NCOA2: variants seen among roughly 807,000 people sequenced by gnomAD.
NCOA2 encodes class E basic helix-loop-helix protein 75.
Under a neutral mutation model 145.1 loss-of-function variants are expected in NCOA2, and 21 were observed. The ratio of observed to expected loss-of-function variants is 0.14; its 90% CI spans 0.10 to 0.21. NCOA2 has a LOEUF of 0.21. NCOA2 is among the 10% of genes least tolerant of loss of function. The pLI is 1.00. For missense variants in NCOA2, 1,472 were observed against 1,837.6 expected (o/e 0.80, Z 3.64); for synonymous variants, 619 against 637.5 (o/e 0.97, Z 0.44).
At chr8:70,237,072 A>T (rs75767873) in intron 2 of NCOA2, among the ~76,000 whole-genome samples, 1 of 152,236 alleles carries the variant, frequency 6.6e-6, no homozygotes, top group East Asian at 1.9e-4. Flanking sequence ...CTTAATATTC[A>T]TGGAATAAAT....
At chr8:70,403,498 G>C (rs1217445671) in intron 1 of NCOA2, among the ~76,000 whole-genome samples, 3 of 142,118 alleles carry the variant, frequency 2.1e-5, no homozygotes, top group East Asian at 2.5e-4. Context: ...CCCCAGCGTC[G>C]CTGCGCCTCC....
chr8:70,427,505 C>T, the NCOA2 span, among the ~76,000 whole-genome samples: 5 of 84,160 alleles, frequency 5.9e-5, no homozygotes, highest in African/African-American at 1.1e-4. Flanking sequence ...TATTGGTCAG[C>T]GAAATAGTGT....
chr8:70,110,829 ATGAACACT>A lies in NCOA2; in HGVS notation c.*2795_*2802del, dbSNP rs1174878962. 8.9e-6 allele frequency: 2 copies of A among 224,282 alleles called. No individual in the cohort carries two copies. Among genetic ancestry groups the A allele is most frequent in the African/African-American group, 4.5e-5 (2 of 44,856 alleles). 13.9% of individuals were successfully genotyped at this position (224,282 alleles called of 1,614,324 possible). The stretch of plus-strand genomic sequence containing the variant: ...TCACTTTTTAAACTTACCACATTAC[ATGAACACT>A]TAAAATGAGTTTTACAACCAAGTTA... On this transcript the variant is annotated 3_prime_UTR_variant, in exon 23 of 23. Coordinates refer to ENST00000452400, the MANE Select transcript of NCOA2 (RefSeq NM_006540.4).
intron 2 of NCOA2, among the ~76,000 whole-genome samples, chr8:70,250,622 T>C (rs1197596652): frequency 2.0e-5 from 3 of 152,134 alleles, no homozygotes; most frequent in Non-Finnish European, 2.9e-5. Context: ...GAAGGGTACA[T>C]GGAAGTTTAC....
chr8:70,237,778 A>G (rs1012865324), intron 2 of NCOA2, among the ~76,000 whole-genome samples: 4 of 152,016 alleles, frequency 2.6e-5, no homozygotes, highest in African/African-American at 9.7e-5. Context: ...TTCCAAAACA[A>G]CAAAAGAAGA....
intron 1 of NCOA2, among the ~76,000 whole-genome samples, chr8:70,373,362 A>C (rs1811383579): frequency 6.6e-6 from 1 of 152,086 alleles, no homozygotes. Flanking sequence ...CTGTACTTTC[A>C]ATTTTTTGTG....
At chr8:70,425,448 A>G in the NCOA2 span, among the ~76,000 whole-genome samples, 1 of 151,976 alleles carries the variant, frequency 6.6e-6, no homozygotes, top group South Asian at 2.1e-4. Context: ...TAGAATTTGA[A>G]GCTTAAACTA....
chr8:70,307,123 C>T lies in NCOA2; in HGVS notation c.-76-10323G>A, dbSNP rs887599751. Reference sequence around the variant, plus strand: ...AAGAAGATACTTTCTAAAAGCCAGCCTTACACAGCAGTCACAAGCACCAAC... The same window carrying T: ...AAGAAGATACTTTCTAAAAGCCAGCTTTACACAGCAGTCACAAGCACCAAC... On this transcript the variant is annotated intron_variant, in intron 1 of 22. Transcript: ENST00000452400. Among the ~76,000 whole-genome samples the T allele has an allele frequency of 2.7e-5, 4 of 149,910 alleles. No individual in the cohort carries two copies. In the East Asian group the frequency reaches 6.0e-4, roughly 22 times the overall value.
At chr8:70,392,290 A>G (rs2131632510) in intron 1 of NCOA2, among the ~76,000 whole-genome samples, 1 of 152,336 alleles carries the variant, frequency 6.6e-6, no homozygotes, top group African/African-American at 2.4e-5. Flanking sequence ...ACACTGCACA[A>G]AGCGCCGCCC....
At chr8:70,205,403 C>T (rs575803778) in intron 4 of NCOA2, among the ~76,000 whole-genome samples, 11 of 152,092 alleles carry the variant, frequency 7.2e-5, no homozygotes, top group African/African-American at 2.4e-4. Context: ...TTTGGGTATA[C>T]GTACTGATGA....
the NCOA2 span, among the ~76,000 whole-genome samples, chr8:70,421,811 T>G: frequency 6.6e-6 from 1 of 150,848 alleles, no homozygotes. Flanking sequence ...AGTAAAAATA[T>G]ATGCCAGGCG....
chr8:70,206,684 T>C (rs1818477314), intron 4 of NCOA2, among the ~76,000 whole-genome samples: 1 of 152,166 alleles, frequency 6.6e-6, no homozygotes, highest in Non-Finnish European at 1.5e-5. Context: ...CTTACTGTAC[T>C]GGGCTTACTA....
intron 11 of NCOA2, among the ~76,000 whole-genome samples, chr8:70,148,869 T>A (rs1456880114): frequency 6.6e-6 from 1 of 152,212 alleles, no homozygotes; most frequent in African/African-American, 2.4e-5. Context: ...GTCTAGGTTT[T>A]ATCATCAAAA....
intron 2 of NCOA2, among the ~76,000 whole-genome samples, chr8:70,250,324 C>G (rs989591344): frequency 2.1e-5 from 3 of 141,630 alleles, no homozygotes; most frequent in Admixed American, 1.5e-4. Flanking sequence ...CCTGGAAGGC[C>G]AAGGTCTGCA....
chr8:70,347,871 A>C lies in NCOA2; in HGVS notation c.-76-51071T>G, dbSNP rs573483665. Among the ~76,000 whole-genome samples the C allele has an allele frequency of 3.0e-4, 45 of 152,334 alleles. 1 individual carries two copies. The highest frequency in any genetic ancestry group is 1.1e-3 in the African/African-American group (44 of 41,588). The stretch of plus-strand genomic sequence containing the variant: ...TGCAGCTACATCTCTAAAATAGATA[A>C]ATTTACTGGACTTCTGTATTGTTAA... On this transcript the variant is annotated intron_variant, in intron 1 of 22. Coordinates refer to ENST00000452400, the MANE Select transcript of NCOA2 (RefSeq NM_006540.4).
intron 1 of NCOA2, among the ~76,000 whole-genome samples, chr8:70,298,306 G>C (rs973833890): frequency 1.3e-5 from 2 of 152,130 alleles, no homozygotes; most frequent in African/African-American, 4.8e-5. Flanking sequence ...GAGAGAAACA[G>C]AAAAAGATGG....
intron 1 of NCOA2, among the ~76,000 whole-genome samples, chr8:70,384,094 A>G (rs1812458503): frequency 2.0e-5 from 3 of 152,188 alleles, no homozygotes; most frequent in African/African-American, 7.2e-5. Flanking sequence ...TGAAAAACCC[A>G]AAGAACCAAC....
At chr8:70,346,983 C>T (rs550076740) in intron 1 of NCOA2, among the ~76,000 whole-genome samples, 16 of 152,160 alleles carry the variant, frequency 1.1e-4, no homozygotes, top group Non-Finnish European at 2.1e-4. Context: ...AATATAATGG[C>T]AGATTCACAT....
chr8:70,381,580 A>G (rs1039601426), intron 1 of NCOA2, among the ~76,000 whole-genome samples: 1 of 152,234 alleles, frequency 6.6e-6, no homozygotes, highest in African/African-American at 2.4e-5. Flanking sequence ...TAGCAGGTGA[A>G]TTGGGATTGT....
Sources: allele counts gnomAD v4.1 joint callset (sites outside exome capture counted in the v4.1 genomes callset), GRCh38; gene constraint gnomAD v4.1.1; transcripts MANE v1.5; gene names NCBI Gene and HGNC (gene_info 2026-07-23, HGNC 2026-07-21).